The following IMMP2L variants were observed in gnomAD, a reference collection of about 807,000 sequenced individuals.
IMMP2L encodes inner mitochondrial membrane peptidase subunit 2.
IMMP2L carries 18 observed loss-of-function variants against 19.3 expected under a neutral mutation model. The ratio of observed to expected loss-of-function variants is 0.93; its 90% confidence interval spans 0.64 to 1.38. IMMP2L has a LOEUF of 1.38. IMMP2L is among the 40% of genes most tolerant of loss of function. IMMP2L has a pLI of 0.00. For synonymous variants in IMMP2L, 76 were observed against 73.0 expected, an observed-to-expected ratio of 1.04 and a Z score of -0.21; for missense variants, 233 against 218.2, an observed-to-expected ratio of 1.07 and a Z score of -0.43.
At chr7:111,007,367 C>T (rs1029791836) in intron 3 of IMMP2L, among the ~76,000 whole-genome samples, 15 of 152,104 alleles carry the variant, frequency 9.9e-5, no homozygotes, top group Admixed American at 4.6e-4. Flanking sequence ...TTGGTTTTTG[C>T]TCCTACCATT....
chr7:111,358,738 G>A (rs1484700476), intron 3 of IMMP2L, among the ~76,000 whole-genome samples: 3 of 152,040 alleles, frequency 2.0e-5, no homozygotes, highest in East Asian at 1.9e-4. Context: ...CAATATGACC[G>A]TTCTCATTGT....
Position 111,016,867 on chromosome 7 carries a change from T to TAA in IMMP2L, c.240-53303_240-53302insTT, listed in dbSNP as rs547411210. ...TATATAATATATATTATATAATATA[T>TAA]TACATATAATATATATTATATATAA... is the stretch of plus-strand genomic sequence containing the variant. On this transcript the variant is annotated intron_variant, in intron 3 of 5. Transcript: ENST00000405709. Among the ~76,000 whole-genome samples the TAA allele has an allele frequency of 4.6e-5, 4 of 86,888 alleles. No homozygotes were observed. In the East Asian group the frequency reaches 1.2e-3, roughly 26 times the overall value. The allele number at this position is 86,888 out of a possible 152,430, so 57.0% of individuals were successfully genotyped here. A position where few individuals can be genotyped will look rare whatever the true frequency, so the allele number is the denominator to read the frequency against.
rs142359963 is a variant in IMMP2L, at chr7:111,262,643, G to A, written c.239+224595C>T. Among the ~76,000 whole-genome samples the A allele has an allele frequency of 1.1e-3, 170 of 152,224 alleles. 2 individuals are homozygous for A. The highest frequency in any genetic ancestry group is 2.1e-3 in the African/African-American group (87 of 41,552). ...TAATGATTCCTATAGTAAACAGAAC[G>A]CAAGATTTATGAGGTATATCTCCCT... On this transcript the variant is annotated intron_variant, in intron 3 of 5. Transcript: ENST00000405709.
chr7:111,560,006 A>AAT (rs1392215888), intron 1 of IMMP2L, among the ~76,000 whole-genome samples: 8 of 137,324 alleles, frequency 5.8e-5, no homozygotes, highest in African/African-American at 1.8e-4. Context: ...ATAACAGTGA[A>AAT]ATATATATAT....
intron 5 of IMMP2L, among the ~76,000 whole-genome samples, chr7:110,773,990 A>G (rs1192561621): frequency 6.6e-6 from 1 of 151,896 alleles, no homozygotes; most frequent in Non-Finnish European, 1.5e-5. Flanking sequence ...CTGTATCTCT[A>G]GAAATCAAAT....
At chr7:111,261,487 C>G (rs1455750637) in intron 3 of IMMP2L, among the ~76,000 whole-genome samples, 1 of 152,114 alleles carries the variant, frequency 6.6e-6, no homozygotes, top group Non-Finnish European at 1.5e-5. Flanking sequence ...GGGCTTCATT[C>G]ATTCAGCACA....
intron 3 of IMMP2L, chr7:111,096,956 T>C (rs1797464943): frequency 6.6e-6 from 1 of 151,894 alleles, no homozygotes; most frequent in Non-Finnish European, 1.5e-5. Flanking sequence ...AAAAGTAATA[T>C]AGACCTTAAA....
rs147931571 is a variant in IMMP2L at position 110,772,976 on chromosome 7, A to G, written c.409-109255T>C. 7.4e-4 allele frequency among the ~76,000 whole-genome samples: 113 copies of G among 152,098 alleles called. 2 individuals carry two copies. Among genetic ancestry groups the G allele is most frequent in the Middle Eastern group, 6.8e-3 (2 of 292 alleles). ...CTTTTTTTTTTCCCTTTGTCCTTTC[A>G]AATGTATACTACCCTTAAAATAATT... On this transcript the variant is annotated intron_variant, in intron 5 of 5. Transcript: ENST00000405709.
chr7:111,267,072 G>T (rs1758322475), intron 3 of IMMP2L, among the ~76,000 whole-genome samples: 1 of 152,086 alleles, frequency 6.6e-6, no homozygotes, highest in African/African-American at 2.4e-5. Context: ...TCATAAGTTT[G>T]GTCTGAGGAT....
At chr7:111,122,056 A>G in intron 3 of IMMP2L, among the ~76,000 whole-genome samples, 1 of 138,300 alleles carries the variant, frequency 7.2e-6, no homozygotes, top group African/African-American at 2.6e-5. Context: ...AGGAAGGGGA[A>G]CATCACACAC....
intron 3 of IMMP2L, among the ~76,000 whole-genome samples, chr7:111,049,128 T>G (rs1379186633): frequency 2.9e-5 from 1 of 34,550 alleles, no homozygotes; most frequent in East Asian, 1.1e-3. Flanking sequence ...CTTTTTTTTT[T>G]TTTTTTTCTT....
rs1302822719 is a variant in IMMP2L at position 110,924,679 on chromosome 7, G to T, written c.306-37984C>A. On this transcript the variant is annotated intron_variant, in intron 4 of 5. Coordinates refer to ENST00000405709, the MANE Select transcript of IMMP2L (RefSeq NM_032549.4). This position sits in a 1 kb window ranked among gnomAD's most constrained non-coding sequence, Gnocchi z 4.2. ...TTCTTTTTAATACTTAAACACCAGTGCTGAGACTCAACAATTTAAATGGCC... is the reference window on the plus strand; with the variant it reads ...TTCTTTTTAATACTTAAACACCAGTTCTGAGACTCAACAATTTAAATGGCC... Among the ~76,000 whole-genome samples the T allele has an allele frequency of 6.6e-6, 1 of 152,068 alleles. No homozygotes were observed. The highest frequency in any genetic ancestry group is 2.4e-5 in the African/African-American group (1 of 41,412).
intron 3 of IMMP2L, among the ~76,000 whole-genome samples, chr7:110,986,658 G>A (rs945783480): frequency 2.6e-5 from 4 of 152,078 alleles, no homozygotes; most frequent in Non-Finnish European, 4.4e-5. Flanking sequence ...AAATGGAGGA[G>A]AGAATACAAA....
chr7:110,913,942 T>C (rs1813318347), intron 4 of IMMP2L, among the ~76,000 whole-genome samples: 1 of 152,154 alleles, frequency 6.6e-6, no homozygotes, highest in Non-Finnish European at 1.5e-5. Context: ...TAAAGTTTTC[T>C]CAGGTGTTTT....
intron 3 of IMMP2L, among the ~76,000 whole-genome samples, chr7:111,086,615 T>G (rs1796365603): frequency 6.6e-6 from 1 of 152,244 alleles, no homozygotes; most frequent in Admixed American, 6.5e-5. Context: ...CTACTCACCT[T>G]ACATCATGTT....
chr7:110,902,570 C>A (rs1363820572), intron 4 of IMMP2L, among the ~76,000 whole-genome samples: 1 of 150,444 alleles, frequency 6.6e-6, no homozygotes, highest in East Asian at 1.9e-4. Flanking sequence ...TTAATGGAAA[C>A]CACCAAACGT....
intron 3 of IMMP2L, among the ~76,000 whole-genome samples, chr7:111,206,503 T>A (rs765022166): frequency 2.2e-4 from 34 of 152,260 alleles, no homozygotes; most frequent in Non-Finnish European, 3.8e-4. Flanking sequence ...TTTTTTTAAT[T>A]CTTAGTTTTT....
At chr7:110,843,263 G>A (rs540269366) in intron 5 of IMMP2L, among the ~76,000 whole-genome samples, 1 of 152,198 alleles carries the variant, frequency 6.6e-6, no homozygotes, top group East Asian at 1.9e-4. Flanking sequence ...TAAGCAAATA[G>A]AAGCTTAATT....
chr7:110,917,164 C>T (rs946237739), intron 4 of IMMP2L, among the ~76,000 whole-genome samples: 12 of 152,108 alleles, frequency 7.9e-5, no homozygotes, highest in African/African-American at 2.9e-4. Flanking sequence ...ATGAGTGATA[C>T]ATCCTCAAGC....
Sources: gnomAD v4.1 joint callset for allele counts (sites outside exome capture counted in the v4.1 genomes callset) on GRCh38, gnomAD v4.1.1 for gene constraint, Gnocchi (gnomAD v3.1) non-coding constraint, MANE v1.5 for transcripts, NCBI Gene and HGNC (gene_info 2026-07-23, HGNC 2026-07-21) for gene names.